MYZAP: variants seen among roughly 807,000 people sequenced by gnomAD.
MYZAP encodes GRINL1A complex locus upstream.
Under a neutral mutation model 69.4 loss-of-function variants are expected in MYZAP, and 66 were observed. The observed-to-expected ratio is 0.95, with a 90% CI of 0.78 to 1.17. The LOEUF (loss-of-function observed/expected upper bound fraction) is 1.17, where lower values mean the gene tolerates loss of function less well. Among genes scored for constraint, MYZAP ranks in the 50% most tolerant of loss-of-function variants. The pLI is 0.00. For missense variants in MYZAP, 611 were observed against 556.2 expected, an observed-to-expected ratio of 1.10 and a Z score of -0.99; for synonymous variants, 256 against 205.9, an observed-to-expected ratio of 1.24 and a Z score of -2.09.
At chr15:57,626,459 A>G (rs1482363143) in intron 5 of MYZAP, among the ~76,000 whole-genome samples, 1 of 152,148 alleles carries the variant, frequency 6.6e-6, no homozygotes, top group Non-Finnish European at 1.5e-5. Context: ...ACTTTGAGGC[A>G]TTGTTTTCTT....
chr15:57,681,936 A>G (rs2039468774), intron 12 of MYZAP, among the ~76,000 whole-genome samples: 2 of 152,194 alleles, frequency 1.3e-5, no homozygotes, highest in East Asian at 1.9e-4. Context: ...TACATCCTCT[A>G]TCACCTGGTG....
At chr15:57,592,454 T>C (rs767492298) in intron 1 of MYZAP, among the ~76,000 whole-genome samples, 22 of 152,252 alleles carry the variant, frequency 1.4e-4, no homozygotes, top group South Asian at 6.2e-4. Context: ...AAGTAATGAA[T>C]GTATTTAAAA....
chr15:57,599,730 CGG>C lies in MYZAP; in HGVS notation c.76-4536_76-4535del, dbSNP rs1173213859. On this transcript the variant is annotated intron_variant, in intron 1 of 12. Transcript: ENST00000267853. The stretch of plus-strand genomic sequence containing the variant: ...TAAGGAATGCTGCCTTGATGTTACT[CGG>C]GGAGATTTTCCCATGGGGAGATTGC... The C allele has an allele frequency of 3.9e-6, 5 of 1,284,904 alleles. No homozygotes were observed. The African/African-American group carries it at 7.6e-5, about 20-fold the overall frequency. 79.6% of individuals were successfully genotyped at this position (1,284,904 alleles called of 1,614,324 possible).
chr15:57,604,130 C>T, intron 1 of MYZAP, 139 bp from the exon 2 acceptor site: 2 of 894,366 alleles, frequency 2.2e-6, no homozygotes, highest in Non-Finnish European at 3.4e-6. Flanking sequence ...GGCCTTATCT[C>T]CTCTATGGCT....
chr15:57,595,534 C>T (rs890496526), intron 1 of MYZAP, among the ~76,000 whole-genome samples: 1 of 143,848 alleles, frequency 7.0e-6, no homozygotes, highest in Non-Finnish European at 1.5e-5. Flanking sequence ...GTGTGCTTTG[C>T]GGGGAAGGCA....
At chr15:57,658,561 T>C (rs761646182) in intron 10 of MYZAP, among the ~76,000 whole-genome samples, 1 of 152,232 alleles carries the variant, frequency 6.6e-6, no homozygotes. Flanking sequence ...GTCAGTTGTC[T>C]TGTAAAAATG....
At chr15:57,629,412 A>G (rs2036362756) in intron 5 of MYZAP, among the ~76,000 whole-genome samples, 1 of 151,988 alleles carries the variant, frequency 6.6e-6, no homozygotes, top group Non-Finnish European at 1.5e-5. Context: ...CCTTGGAAGG[A>G]CTCCATTTTA....
At chr15:57,618,470 C>T (rs972293993) in intron 3 of MYZAP, among the ~76,000 whole-genome samples, 3 of 152,056 alleles carry the variant, frequency 2.0e-5, no homozygotes, top group South Asian at 4.2e-4. Context: ...TTTGGAGGCT[C>T]TTGAGTGGTT....
chr15:57,612,788 G>A (rs1160630735), intron 2 of MYZAP, among the ~76,000 whole-genome samples: 1 of 152,174 alleles, frequency 6.6e-6, no homozygotes, highest in East Asian at 1.9e-4. Context: ...TATGGGGCCT[G>A]TAGGTAGAAT....
intron 10 of MYZAP, among the ~76,000 whole-genome samples, chr15:57,657,426 C>T (rs1374885358): frequency 6.6e-6 from 1 of 152,168 alleles, no homozygotes; most frequent in Non-Finnish European, 1.5e-5. Flanking sequence ...TTAACCCTAC[C>T]ACAACCCCAG....
intron 11 of MYZAP, among the ~76,000 whole-genome samples, chr15:57,665,239 A>C (rs1323149590): frequency 6.6e-6 from 1 of 152,252 alleles, no homozygotes; most frequent in Non-Finnish European, 1.5e-5. Flanking sequence ...CTTTGCCTGC[A>C]GCAACCTGAA....
chr15:57,607,903 G>A (rs759798531), intron 2 of MYZAP, among the ~76,000 whole-genome samples: 17 of 152,164 alleles, frequency 1.1e-4, no homozygotes, highest in African/African-American at 2.9e-4. Flanking sequence ...ATGCACTGTC[G>A]GGGAGACTCT....
At chr15:57,627,127 C>T (rs2036182789) in intron 5 of MYZAP, among the ~76,000 whole-genome samples, 1 of 152,142 alleles carries the variant, frequency 6.6e-6, no homozygotes, top group Admixed American at 6.5e-5. Flanking sequence ...ATTTGTACTA[C>T]ATCTCTGGTT....
At chr15:57,607,633 G>C (rs1595859499) in intron 2 of MYZAP, among the ~76,000 whole-genome samples, 1 of 152,292 alleles carries the variant, frequency 6.6e-6, no homozygotes, top group East Asian at 1.9e-4. Flanking sequence ...GCACTGCTGG[G>C]ATAGCATATG....
At chr15:57,633,023 T>G (rs1426472753) in intron 7 of MYZAP, among the ~76,000 whole-genome samples, 1 of 152,160 alleles carries the variant, frequency 6.6e-6, no homozygotes, top group Non-Finnish European at 1.5e-5. Flanking sequence ...GCTCACTCAC[T>G]CTCTCTCTGC....
chr15:57,591,950 C>CGCCCCCGCGCAGGGCG lies in MYZAP; in HGVS notation c.-83_-68dup. On this transcript the variant is annotated 5_prime_UTR_variant, in exon 1 of 13. Transcript: ENST00000267853. ...GCAAGTAGCCGGCGCCGTCCCGCGT[C>CGCCCCCGCGCAGGGCG]GCCCCCGCGCAGGGCGGGCCCCGCA... 4.2e-6 allele frequency: 5 copies of CGCCCCCGCGCAGGGCG among 1,202,936 alleles called. No homozygotes were observed. In the Admixed American group the frequency reaches 2.2e-4, roughly 52 times the overall value. 74.5% of individuals were successfully genotyped at this position (1,202,936 alleles called of 1,614,324 possible).
chr15:57,654,677 C>T (rs185009145), intron 10 of MYZAP, among the ~76,000 whole-genome samples: 2 of 152,284 alleles, frequency 1.3e-5, no homozygotes, highest in African/African-American at 4.8e-5. Flanking sequence ...ATGCTACAGC[C>T]ATCTCATTTT....
intron 8 of MYZAP, among the ~76,000 whole-genome samples, chr15:57,636,807 A>G (rs2036844022): frequency 6.6e-6 from 1 of 152,222 alleles, no homozygotes; most frequent in African/African-American, 2.4e-5. Flanking sequence ...TGCACGGCTT[A>G]GTGCGCGTAT....
At chr15:57,680,467 C>T (rs1185410931) in intron 12 of MYZAP, among the ~76,000 whole-genome samples, 1 of 148,456 alleles carries the variant, frequency 6.7e-6, no homozygotes, top group Non-Finnish European at 1.5e-5. Flanking sequence ...AGAGGGGACT[C>T]ACTGTGGGTT....
Sources: allele counts gnomAD v4.1 joint callset (sites outside exome capture counted in the v4.1 genomes callset), GRCh38; gene constraint gnomAD v4.1.1; transcripts MANE v1.5; gene names NCBI Gene and HGNC (gene_info 2026-07-23, HGNC 2026-07-21).